TRMT11: variants seen among roughly 807,000 people sequenced by gnomAD.
TRMT11 encodes tRNA methyltransferase 11, also known as tRNA (guanine(10)-N(2))-methyltransferase TRMT11.
A neutral mutation model predicts 62.8 loss-of-function variants in TRMT11; 53 were observed. The observed-to-expected ratio is 0.84, with a 90% CI of 0.68 to 1.06. TRMT11 has a LOEUF of 1.06. Among genes scored for constraint, TRMT11 ranks in the 50% least tolerant of loss-of-function variants. The pLI is 0.00. For missense variants in TRMT11, 556 were observed against 553.4 expected, an observed-to-expected ratio of 1.00 and a Z score of -0.05; for synonymous variants, 188 against 190.3, an observed-to-expected ratio of 0.99 and a Z score of 0.10.
intron 17 of TRMT11, among the ~76,000 whole-genome samples, chr6:126,078,023 G>C (rs1036992546): frequency 1.3e-5 from 2 of 152,154 alleles, no homozygotes; most frequent in Non-Finnish European, 2.9e-5. Context: ...CTGTGCTAAT[G>C]CATCACCCCA....
chr6:126,069,859 T>TA lies in TRMT11; in HGVS notation c.*1437+16669_*1437+16670insA, dbSNP rs550779629. On this transcript the variant is annotated intron_variant and NMD_transcript_variant, in intron 17 of 22. Transcript: ENST00000648977. ...CTTTGGTTTCTGTAGATGAAGGTTT[T>TA]TTTTTTTTTTTTTAGGTTTATTGAA... Among the ~76,000 whole-genome samples, 269 of 152,174 alleles carry TA rather than the reference T, an allele frequency of 1.8e-3. 1 individual carries two copies. The highest frequency in any genetic ancestry group is 6.2e-3 in the African/African-American group (259 of 41,532).
intron 21 of TRMT11, among the ~76,000 whole-genome samples, chr6:126,167,329 A>G (rs115379335): frequency 0.016 from 2,442 of 152,238 alleles, 58 homozygotes; most frequent in African/African-American, 0.055. Flanking sequence ...ACTGTTCCTC[A>G]TGGCACAGTC....
chr6:126,203,579 T>A (rs984565180), downstream of TRMT11, among the ~76,000 whole-genome samples: 1 of 152,138 alleles, frequency 6.6e-6, no homozygotes, highest in Non-Finnish European at 1.5e-5. Flanking sequence ...TACTAGTGTA[T>A]CTCAAAAGCC....
At chr6:126,169,401 C>T (rs1297698968) in intron 21 of TRMT11, among the ~76,000 whole-genome samples, 1 of 152,164 alleles carries the variant, frequency 6.6e-6, no homozygotes, top group South Asian at 2.1e-4. Flanking sequence ...CCTAGAGCCA[C>T]GATCTAAATG....
the TRMT11 span, among the ~76,000 whole-genome samples, chr6:126,247,362 TAC>T: frequency 6.6e-5 from 10 of 150,866 alleles, no homozygotes; most frequent in African/African-American, 2.4e-4. Context: ...CACACACATA[TAC>T]ACACACACAG....
chr6:126,180,015 C>G (rs1437615654), intron 1 of TRMT11, among the ~76,000 whole-genome samples: 1 of 151,908 alleles, frequency 6.6e-6, no homozygotes, highest in Non-Finnish European at 1.5e-5. Flanking sequence ...TATAATAAAT[C>G]AATATGCCTG....
At chr6:126,167,807 C>G (rs920254397) in intron 21 of TRMT11, among the ~76,000 whole-genome samples, 1 of 152,134 alleles carries the variant, frequency 6.6e-6, no homozygotes, top group Non-Finnish European at 1.5e-5. Flanking sequence ...CTTCTTTTTC[C>G]ACCTCGGACA....
intron 17 of TRMT11, among the ~76,000 whole-genome samples, chr6:126,087,417 T>G (rs189000117): frequency 6.6e-6 from 1 of 152,238 alleles, no homozygotes; most frequent in Non-Finnish European, 1.5e-5. Flanking sequence ...AATCAAAGGA[T>G]GAAGACAAAT....
At chr6:126,096,205 A>G (rs1777338123) in intron 17 of TRMT11, among the ~76,000 whole-genome samples, 2 of 152,320 alleles carry the variant, frequency 1.3e-5, no homozygotes, top group South Asian at 4.1e-4. Context: ...CATTAGGGCC[A>G]GTGGATCCAT....
chr6:126,018,889 A>T (rs911345293), intron 11 of TRMT11, among the ~76,000 whole-genome samples: 19 of 150,250 alleles, frequency 1.3e-4, no homozygotes, highest in Non-Finnish European at 2.1e-4. Flanking sequence ...ACTTTATTTT[A>T]TTTTTTTTTT....
chr6:126,166,848 G>A lies in TRMT11; in HGVS notation c.*1824-7977G>A, dbSNP rs140623736. ...TCTAGAGAGGCAGTGTAGCTACAGT[G>A]GCTTCATGGTGCTGCGGTGGGTTCT... On this transcript the variant is annotated intron_variant and NMD_transcript_variant, in intron 21 of 22. Coordinates refer to the TRMT11 transcript ENST00000648977. 9.7e-3 allele frequency among the ~76,000 whole-genome samples: 1,474 copies of A among 152,238 alleles called. 14 individuals carry two copies. Among genetic ancestry groups the A allele is most frequent in the Middle Eastern group, 0.014 (4 of 294 alleles).
At chr6:126,068,288 T>A (rs1334258686) in intron 17 of TRMT11, among the ~76,000 whole-genome samples, 1 of 152,208 alleles carries the variant, frequency 6.6e-6, no homozygotes, top group Non-Finnish European at 1.5e-5. Context: ...TTGTGGCAGT[T>A]AAACATTATT....
intron 21 of TRMT11, among the ~76,000 whole-genome samples, chr6:126,138,071 ATAATT>A (rs1777873210): frequency 6.6e-6 from 1 of 151,976 alleles, no homozygotes; most frequent in Non-Finnish European, 1.5e-5. Flanking sequence ...ATAGTTAACA[ATAATT>A]TATTGTATAT....
the TRMT11 span, among the ~76,000 whole-genome samples, chr6:126,227,277 C>G: frequency 6.6e-6 from 1 of 152,150 alleles, no homozygotes; most frequent in Non-Finnish European, 1.5e-5. Flanking sequence ...GCAAATGTGC[C>G]ATTTACCCTG....
chr6:126,048,934 G>A (rs149938962), intron 16 of TRMT11, among the ~76,000 whole-genome samples: 1 of 152,216 alleles, frequency 6.6e-6, no homozygotes, highest in African/African-American at 2.4e-5. Context: ...CACCACTTTG[G>A]CCCTTGAAAC....
At chr6:126,202,221 TA>T (rs1220148959) in exon 4 of TRMT11, 1 of 152,168 alleles carries the variant, frequency 6.6e-6, no homozygotes, top group Non-Finnish European at 1.5e-5. Flanking sequence ...GTCTGATGGA[TA>T]AAGTAAAGAT....
At chr6:126,009,826 T>C (rs1583695688) in intron 8 of TRMT11, among the ~76,000 whole-genome samples, 1 of 152,206 alleles carries the variant, frequency 6.6e-6, no homozygotes, top group East Asian at 1.9e-4. Flanking sequence ...TTGTCTTATA[T>C]AATTTACTTG....
At chr6:125,989,368 C>T (rs576010764) in intron 1 of TRMT11, among the ~76,000 whole-genome samples, 14 of 152,012 alleles carry the variant, frequency 9.2e-5, no homozygotes, top group African/African-American at 3.1e-4. Flanking sequence ...CCTTGTGATC[C>T]GACTGCCTCA....
At chr6:126,045,108 A>C (rs1303177724) in intron 16 of TRMT11, among the ~76,000 whole-genome samples, 1 of 151,994 alleles carries the variant, frequency 6.6e-6, no homozygotes, top group Non-Finnish European at 1.5e-5. Flanking sequence ...GAATTGCTTG[A>C]ACCTGGGAGG....
Sources: allele counts gnomAD v4.1 joint callset (sites outside exome capture counted in the v4.1 genomes callset), GRCh38; gene constraint gnomAD v4.1.1; transcripts MANE v1.5; gene names NCBI Gene and HGNC (gene_info 2026-07-23, HGNC 2026-07-21).